AXIN1: variants seen among roughly 807,000 people sequenced by gnomAD.
AXIN1 encodes axin-1.
A neutral mutation model predicts 76.4 loss-of-function variants in AXIN1; 30 were observed. That is an observed-to-expected ratio of 0.39 (90% CI 0.29 to 0.53). AXIN1 has a LOEUF of 0.53. Ranked by LOEUF, AXIN1 falls within the 20% of genes least tolerant of loss-of-function variation. AXIN1 has a pLI of 0.66. For synonymous variants in AXIN1, 545 were observed against 501.4 expected, an observed-to-expected ratio of 1.09 and a Z score of -1.16; for missense variants, 1,140 against 1,198.8, an observed-to-expected ratio of 0.95 and a Z score of 0.72.
intron 1 of AXIN1, among the ~76,000 whole-genome samples, chr16:349,132 A>AATAAG: frequency 6.6e-6 from 1 of 151,978 alleles, no homozygotes; most frequent in East Asian, 1.9e-4. Context: ...AATAAAATAA[A>AATAAG]ATTAGTAAAT....
intron 2 of AXIN1, among the ~76,000 whole-genome samples, chr16:333,951 C>T (rs891665961): frequency 7.9e-5 from 12 of 151,626 alleles, no homozygotes; most frequent in African/African-American, 2.9e-4. Flanking sequence ...ATGCCAATAA[C>T]ACAGCACCCA....
chr16:326,394 T>TATATATATATATATACACAC (rs144093618), intron 2 of AXIN1, among the ~76,000 whole-genome samples: 1,339 of 118,144 alleles, frequency 0.011, 10 homozygotes, highest in Non-Finnish European at 0.019. Context: ...TATATATATA[T>TATATATATATATATACACAC]ACACACCTAT....
chr16:313,496 G>C (rs1208059069), intron 3 of AXIN1, among the ~76,000 whole-genome samples: 1 of 152,258 alleles, frequency 6.6e-6, no homozygotes, highest in Non-Finnish European at 1.5e-5. Context: ...CCGCAGTGGG[G>C]ATGGAGGGTG....
At chr16:294,879 G>A (rs9745611) in intron 7 of AXIN1, among the ~76,000 whole-genome samples, 52,733 of 150,548 alleles carry the variant, frequency 0.35, 9,552 homozygotes, top group Non-Finnish European at 0.38. Context: ...TGGCTAACAC[G>A]GTGAAACCCC....
chr16:315,744 C>T (rs577720767), intron 2 of AXIN1, among the ~76,000 whole-genome samples: 299 of 150,410 alleles, frequency 2.0e-3, no homozygotes, highest in African/African-American at 6.9e-3. Context: ...GGGAGAATAG[C>T]GTGAACCTGG....
At chr16:323,462 A>G (rs536118275) in intron 2 of AXIN1, among the ~76,000 whole-genome samples, 4 of 150,320 alleles carry the variant, frequency 2.7e-5, no homozygotes, top group South Asian at 2.1e-4. Context: ...AAGAAAGAAA[A>G]AAAGCCAAAA....
chr16:346,597 G>A lies in AXIN1; in HGVS notation c.429C>T (p.Ala143=), dbSNP rs966556550. The A allele has an allele frequency of 3.7e-6, 6 of 1,605,992 alleles. No individual in the cohort carries two copies. Among genetic ancestry groups the A allele is most frequent in the Non-Finnish European group, 5.1e-6 (6 of 1,174,620 alleles). ...NEEKRLKLAR[A]IYRKYILDNN... ...TATCAAGAATGTACTTTCGGTAGAT[G>A]GCTCTCGCCAGCTTCAGCCTCTTCT... Residue 143 remains alanine, a synonymous_variant, in exon 2 of 11, where the codon GCC becomes GCT. Coordinates refer to ENST00000262320, the MANE Select transcript of AXIN1 (RefSeq NM_003502.4).
intron 2 of AXIN1, among the ~76,000 whole-genome samples, chr16:320,985 G>T (rs186742103): frequency 6.6e-6 from 1 of 151,956 alleles, no homozygotes; most frequent in Non-Finnish European, 1.5e-5. Context: ...TGATCTGCCC[G>T]CCTCGGCCTC....
chr16:332,349 G>A (rs1054574979), intron 2 of AXIN1, among the ~76,000 whole-genome samples: 6 of 151,860 alleles, frequency 4.0e-5, no homozygotes, highest in African/African-American at 1.2e-4. Flanking sequence ...AGGCCAAGGC[G>A]GGCGGATCAC....
rs1363697369 is a variant in AXIN1, at chr16:346,836, A to C, written c.190T>G (p.Ser64Ala). 6.2e-7 allele frequency: 1 copy of C among 1,613,434 alleles called. No homozygotes were observed. The highest frequency in any genetic ancestry group is 8.5e-7 in the Non-Finnish European group (1 of 1,179,500). The change falls in exon 2 of 11, where the codon TCG becomes GCG. Residue 64 changes from serine to alanine, a missense_variant. Coordinates refer to ENST00000262320, the MANE Select transcript of AXIN1 (RefSeq NM_003502.4). The stretch of plus-strand genomic sequence containing the variant: ...GGCTCATACCCCAGGTCCAGATCCG[A>C]GCGCCTCGGAGTGGCCGTCGAAGTC... The part of the protein sequence containing the change: ...GETSTATPRR[S>A]DLDLGYEPEG...
chr16:294,049 T>C (rs1381273484), intron 7 of AXIN1, among the ~76,000 whole-genome samples: 1 of 152,122 alleles, frequency 6.6e-6, no homozygotes, highest in Non-Finnish European at 1.5e-5. Flanking sequence ...TCATCCCTGC[T>C]ACTCTGGAGG....
rs1194450228 is a variant in AXIN1, at chr16:346,552, C to G, written c.474G>C (p.Arg158=). ...AGCTCTTGGTGGCTGGCTTGGTCTG[C>G]CGGGACACGATGCCATTGTTATCAA... ...YILDNNGIVS[R]QTKPATKSFI... is the part of the protein sequence containing the mutation. Residue 158 remains arginine (R), a synonymous_variant, in exon 2 of 11, where the codon CGG becomes CGC. Transcript: ENST00000262320. The G allele has an allele frequency of 1.2e-6, 2 of 1,613,978 alleles. No individual in the cohort carries two copies. Among genetic ancestry groups the G allele is most frequent in the African/African-American group, 1.3e-5 (1 of 75,032 alleles).
At chr16:327,381 A>G (rs2053606736) in intron 2 of AXIN1, among the ~76,000 whole-genome samples, 1 of 152,210 alleles carries the variant, frequency 6.6e-6, no homozygotes, top group Admixed American at 6.5e-5. Context: ...GGGCAAGAGA[A>G]TGAGTCACCA....
At chr16:330,395 A>C (rs1436665399) in intron 2 of AXIN1, among the ~76,000 whole-genome samples, 1 of 152,214 alleles carries the variant, frequency 6.6e-6, no homozygotes. Context: ...CTCTGACAAC[A>C]ATCTGTCTTT....
chr16:346,126 G>A (rs2141699813), intron 2 of AXIN1, 22 bp downstream of exon 2: 1 of 1,609,906 alleles, frequency 6.2e-7, no homozygotes, highest in South Asian at 1.1e-5. Context: ...TACAGAAAGT[G>A]GACGCCTGGC....
chr16:288,637 G>A (rs992234820), intron 10 of AXIN1, among the ~76,000 whole-genome samples: 1 of 152,230 alleles, frequency 6.6e-6, no homozygotes, highest in Non-Finnish European at 1.5e-5. Flanking sequence ...TGGGGTGTTT[G>A]CACAGTGGCT....
chr16:347,199 C>A, intron 1 of AXIN1, 93 bp from the exon 2 acceptor site: 1 of 1,113,320 alleles, frequency 9.0e-7, no homozygotes, highest in Non-Finnish European at 1.3e-6. Flanking sequence ...CGATGACGCC[C>A]TCCCGCTCAA....
chr16:351,407 C>T (rs2141723273), intron 1 of AXIN1, among the ~76,000 whole-genome samples: 2 of 152,220 alleles, frequency 1.3e-5, no homozygotes, highest in Middle Eastern at 6.8e-3. Context: ...GTCAGGAGTT[C>T]CAGGCCAGCC....
intron 2 of AXIN1, among the ~76,000 whole-genome samples, chr16:317,211 T>C (rs1387729334): frequency 1.3e-5 from 2 of 152,086 alleles, no homozygotes; most frequent in Admixed American, 6.5e-5. Flanking sequence ...TCTGGTGACA[T>C]GGGATGCCTG....
Sources: gnomAD v4.1 joint callset for allele counts (sites outside exome capture counted in the v4.1 genomes callset) on GRCh38, gnomAD v4.1.1 for gene constraint, MANE v1.5 for transcripts, NCBI Gene and HGNC (gene_info 2026-07-23, HGNC 2026-07-21) for gene names.